FAH: variants seen among roughly 807,000 people sequenced by gnomAD.
The protein encoded by FAH is fumarylacetoacetase.
In FAH, 47 loss-of-function variants were observed where a neutral mutation model predicts 55.8. The observed-to-expected ratio is 0.84, with a 90% confidence interval of 0.67 to 1.07. The LOEUF (loss-of-function observed/expected upper bound fraction) is 1.07, where lower values mean the gene tolerates loss of function less well. FAH is among the 50% of genes least tolerant of loss of function. The pLI, the probability that FAH is intolerant of heterozygous loss-of-function variation, is 0.00. For synonymous variants in FAH, 199 were observed against 207.7 expected (o/e 0.96, Z 0.36); for missense variants, 495 against 545.9 (o/e 0.91, Z 0.93).
intron 13 of FAH, among the ~76,000 whole-genome samples, chr15:80,182,083 G>A (rs376860003): frequency 1.2e-4 from 19 of 152,234 alleles, no homozygotes; most frequent in African/African-American, 4.1e-4. Flanking sequence ...TCTGGGGAGC[G>A]TCTGTCCCTG....
intron 13 of FAH, among the ~76,000 whole-genome samples, chr15:80,183,386 C>G (rs2041345857): frequency 6.6e-6 from 1 of 152,246 alleles, no homozygotes; most frequent in Non-Finnish European, 1.5e-5. Flanking sequence ...TTGGGCTAAG[C>G]AGGGGGTAAG....
Position 80,184,096 on chromosome 15 carries a change from G to A in FAH, c.1181-2034G>A, listed in dbSNP as rs190638738. On this transcript the variant is annotated intron_variant, in intron 13 of 13. Transcript: ENST00000561421. ...TTTAACTCATCCATCCCCTAGTCTC[G>A]CTCACAAACCCCATCTGGTGTTGAG... Among the ~76,000 whole-genome samples the A allele has an allele frequency of 3.7e-3, 556 of 152,284 alleles. 3 individuals carry two copies. Among genetic ancestry groups the A allele is most frequent in the African/African-American group, 0.013 (531 of 41,554 alleles).
chr15:80,179,953 A>C (rs1316094697), intron 11 of FAH, among the ~76,000 whole-genome samples, 171 bp from the exon 12 acceptor site: 1 of 152,004 alleles, frequency 6.6e-6, no homozygotes, highest in Non-Finnish European at 1.5e-5. Context: ...GCTCCCCAGG[A>C]GGACAATGTG....
At chr15:80,171,688 C>T (rs556635160) in intron 7 of FAH, among the ~76,000 whole-genome samples, 2 of 152,202 alleles carry the variant, frequency 1.3e-5, no homozygotes, top group African/African-American at 2.4e-5. Flanking sequence ...TCTCAAACTC[C>T]GAGGCTCAAG....
At chr15:80,159,604 A>G in intron 2 of FAH, 152 bp from the exon 3 acceptor site, 1 of 921,024 alleles carries the variant, frequency 1.1e-6, no homozygotes, top group Non-Finnish European at 1.8e-6. Flanking sequence ...GTTGATGAAT[A>G]AATGACAAAA....
intron 7 of FAH, 148 bp downstream of exon 7, chr15:80,168,464 A>C: frequency 1.3e-6 from 1 of 742,362 alleles, no homozygotes; most frequent in Non-Finnish European, 2.4e-6. Flanking sequence ...TGGCCATCAG[A>C]AGGACAGTTG....
rs115597074 is a variant in FAH, at chr15:80,162,400, T to A, written c.455+64T>A. ...TTTCTTTTCATTTCCAGCAGCATAT[T>A]TGTCTCAGGAGCTGCCAAGTTCTTC... On this transcript the variant is annotated intron_variant, in intron 5 of 13. Coordinates refer to ENST00000561421, the MANE Select transcript of FAH (RefSeq NM_000137.4). The A allele has an allele frequency of 1.1e-3, 1,580 of 1,439,526 alleles. 16 individuals are homozygous for A. In the African/African-American group the frequency reaches 0.02, roughly 18 times the overall value. 89.2% of individuals were successfully genotyped at this position (1,439,526 alleles called of 1,614,324 possible). A position where few individuals can be genotyped will look rare whatever the true frequency, so the allele number is the denominator to read the frequency against.
At chr15:80,155,725 A>T (rs184579984) in intron 1 of FAH, among the ~76,000 whole-genome samples, 1 of 152,242 alleles carries the variant, frequency 6.6e-6, no homozygotes, top group Admixed American at 6.5e-5. Flanking sequence ...CAAGGGGGGC[A>T]GGGTAGGGAG....
chr15:80,177,565 A>G lies in FAH; in HGVS notation c.942A>G (p.Ile314Met). 1.9e-6 allele frequency: 3 copies of G among 1,614,070 alleles called. No homozygotes were observed. The highest frequency in any genetic ancestry group is 2.5e-6 in the Non-Finnish European group (3 of 1,179,902). The change falls in exon 11 of 14, where the codon ATA (isoleucine) becomes ATG (methionine). Residue 314 changes from isoleucine (I) to methionine (M), a missense_variant. Physicochemically the swap from Ile to Met is conservative, Grantham distance 10 (BLOSUM62 1). Transcript: ENST00000561421. ...AAGGAATGAGCCAGGCGGCTACCAT[A>G]TGCAAGTCCAATTTTAAGGTAAGCT... ...KGEGMSQAAT[I>M]CKSNFKYMYW...
At chr15:80,173,911 C>G (rs757070206) in intron 9 of FAH, among the ~76,000 whole-genome samples, 3 of 152,186 alleles carry the variant, frequency 2.0e-5, no homozygotes, top group African/African-American at 4.8e-5. Flanking sequence ...CTCGCTTGAG[C>G]ATCTCACCAC....
intron 5 of FAH, among the ~76,000 whole-genome samples, chr15:80,165,625 G>A (rs1223644005): frequency 1.3e-5 from 2 of 151,990 alleles, no homozygotes; most frequent in Non-Finnish European, 2.9e-5. Context: ...AACCTCGGAG[G>A]TGGAGGTTGC....
intron 13 of FAH, among the ~76,000 whole-genome samples, chr15:80,184,448 A>C (rs1262828866): frequency 6.6e-6 from 1 of 151,248 alleles, no homozygotes; most frequent in Non-Finnish European, 1.5e-5. Context: ...AGGGTGTAGA[A>C]GCAGTGACCC....
Position 80,173,006 on chromosome 15 carries a change from T to C in FAH, c.707-8T>C, listed in dbSNP as rs1354939692. The C allele has an allele frequency of 1.2e-6, 2 of 1,614,220 alleles. No homozygotes were observed. Among genetic ancestry groups the C allele is most frequent in the Admixed American group, 1.7e-5 (1 of 60,024 alleles). On this transcript the variant is annotated splice_region_variant and splice_polypyrimidine_tract_variant and intron_variant, in intron 8 of 13. Transcript: ENST00000561421. ...TTTGTAAGTCCTGGCTGTGCCCTTCTTCTGCAGCACGAGACATTCAGAAGT... is the reference window on the plus strand; with the variant it reads ...TTTGTAAGTCCTGGCTGTGCCCTTCCTCTGCAGCACGAGACATTCAGAAGT...
At chr15:80,157,334 G>C (rs1443853663) in intron 1 of FAH, 1 of 153,154 alleles carries the variant, frequency 6.5e-6, no homozygotes, top group Non-Finnish European at 1.5e-5. Flanking sequence ...GGTGGTTCAG[G>C]AGAGCTGGAA....
In FAH at chr15:80,172,211, G is replaced by A. The variant is rs2041247247; in HGVS notation, c.669G>A (p.Glu223=). The A allele has an allele frequency of 3.1e-6, 5 of 1,613,928 alleles. No individual in the cohort carries two copies. The highest frequency in any genetic ancestry group is 2.2e-5 in the South Asian group (2 of 91,080). ...CGATCCCCATTTCCAAGGCCCATGA[G>A]CACATTTTTGGAATGGTCCTTATGA... ...GEPIPISKAH[E]HIFGMVLMND... is the part of the protein sequence containing the mutation. Residue 223 remains glutamate (E), a synonymous_variant, in exon 8 of 14, where the codon GAG becomes GAA. Coordinates refer to ENST00000561421, the MANE Select transcript of FAH (RefSeq NM_000137.4).
intron 1 of FAH, chr15:80,155,907 C>T (rs781183504): frequency 2.5e-5 from 12 of 478,056 alleles, no homozygotes; most frequent in South Asian, 6.1e-5. Flanking sequence ...TTTCTTCTAC[C>T]GCTATCTACT....
At position 80,180,128 on chromosome 15, in the gene FAH, T is replaced by G. The variant is rs746747877; in HGVS notation, c.965T>G (p.Met322Arg). 5.0e-6 allele frequency: 8 copies of G among 1,586,368 alleles called. No individual in the cohort carries two copies. In the Admixed American group the frequency reaches 8.5e-5, roughly 17 times the overall value. ...ATICKSNFKYMYWTMLQQLTH... is the reference protein window; with the variant it reads ...ATICKSNFKYRYWTMLQQLTH... Reference sequence around the variant, plus strand: ...CCTCGCGTCCATTGCCTGCAGTACATGTACTGGACGATGCTGCAGCAGCTC... The same window carrying G: ...CCTCGCGTCCATTGCCTGCAGTACAGGTACTGGACGATGCTGCAGCAGCTC... The change falls in exon 12 of 14, where the codon ATG becomes AGG. Residue 322 changes from methionine (M) to arginine (R), a missense_variant. Physicochemically the swap from Met to Arg is moderately conservative, Grantham distance 91 (BLOSUM62 -1). Transcript: ENST00000561421.
At chr15:80,180,058 A>T in intron 11 of FAH, 66 bp from the exon 12 acceptor site, 1 of 1,093,062 alleles carries the variant, frequency 9.1e-7, no homozygotes, top group Non-Finnish European at 1.3e-6. Flanking sequence ...GGCTGTGCCC[A>T]GCTGCCTCCG....
At chr15:80,170,280 A>C (rs2041229185) in intron 7 of FAH, among the ~76,000 whole-genome samples, 1 of 152,170 alleles carries the variant, frequency 6.6e-6, no homozygotes, top group Non-Finnish European at 1.5e-5. Context: ...TTGCCTCAGG[A>C]AGCTCTGAGT....
Sources: gnomAD v4.1 joint callset for allele counts (sites outside exome capture counted in the v4.1 genomes callset) on GRCh38, gnomAD v4.1.1 for gene constraint, MANE v1.5 for transcripts, NCBI Gene and HGNC (gene_info 2026-07-23, HGNC 2026-07-21) for gene names.